The following PC variants were observed in gnomAD, a reference collection of about 807,000 sequenced individuals.
PC encodes pyruvate carboxylase, mitochondrial.
Under a neutral mutation model 107.8 loss-of-function variants are expected in PC, and 46 were observed. The observed-to-expected ratio is 0.43, with a 90% confidence interval of 0.34 to 0.55. The LOEUF is 0.55. PC is among the 20% of genes least tolerant of loss of function. The probability of loss-of-function intolerance (pLI) is 0.04; values close to 1 mark genes in which losing one functional copy is unlikely to be tolerated. For missense variants in PC, 1,241 were observed against 1,643.1 expected (o/e 0.76, Z 4.23); for synonymous variants, 662 against 684.7 (o/e 0.97, Z 0.52).
intron 3 of PC, among the ~76,000 whole-genome samples, chr11:66,879,142 C>T (rs1324404812): frequency 6.6e-6 from 1 of 152,218 alleles, no homozygotes; most frequent in Non-Finnish European, 1.5e-5. Context: ...GGCCCACACA[C>T]TTGCGCCCTC....
At position 66,866,315 on chromosome 11, in the gene PC, C is replaced by T. The variant is rs1295610252; in HGVS notation, c.1057G>A (p.Glu353Lys). ...CCCAGGTCGGGTAGGCTCCTGCCCT[C>T]AGCCACGTGGATCTGAGCATGGACC... ...DLVHAQIHVA[E>K]GRSLPDLGLR... The change falls in exon 11 of 23, where the codon GAG (glutamate) becomes AAG (lysine). Residue 353 changes from glutamate to lysine, a missense_variant. Glu to Lys is a moderately conservative substitution (Grantham distance 56). Transcript: ENST00000393960. This position sits in a 1 kb window ranked among gnomAD's most constrained non-coding sequence, Gnocchi z 5.4. The T allele has an allele frequency of 6.2e-7, 1 of 1,612,948 alleles. No individual in the cohort carries two copies. The highest frequency in any genetic ancestry group is 1.1e-5 in the South Asian group (1 of 91,058).
intron 3 of PC, among the ~76,000 whole-genome samples, chr11:66,899,753 G>A (rs7932419): frequency 1 from 152,038 of 152,384 alleles, 75,848 homozygotes; most frequent in Non-Finnish European, 1. Flanking sequence ...GATGTACAAA[G>A]GTTGATTCTG....
rs1378424240 is a variant in PC at position 66,852,242 on chromosome 11, A to AT, written c.1825+196dup. On this transcript the variant is annotated intron_variant, in intron 15 of 22. Coordinates refer to ENST00000393960, the MANE Select transcript of PC (RefSeq NM_001040716.2). This position sits in a 1 kb window ranked among gnomAD's most constrained non-coding sequence, Gnocchi z 4.7. The stretch of plus-strand genomic sequence containing the variant: ...TCCTCCTGACCCTGGACCTCCCAGG[A>AT]TGCACCTGGTCTCAGCTCTGCAACC... Among the ~76,000 whole-genome samples, 2 of 152,202 alleles carry AT rather than the reference A, an allele frequency of 1.3e-5. No homozygotes were observed. Among genetic ancestry groups the AT allele is most frequent in the Non-Finnish European group, 2.9e-5 (2 of 68,036 alleles).
At chr11:66,956,073 C>T (rs1485178075) in intron 1 of PC, among the ~76,000 whole-genome samples, 1 of 152,028 alleles carries the variant, frequency 6.6e-6, no homozygotes, top group Non-Finnish European at 1.5e-5. Flanking sequence ...CGCCCAGCCC[C>T]GTCTACCTTT....
chr11:66,922,553 TAAAAAAAAAA>T (rs1198835228), intron 3 of PC, among the ~76,000 whole-genome samples: 4 of 84,372 alleles, frequency 4.7e-5, no homozygotes, highest in Non-Finnish European at 9.3e-5. Flanking sequence ...GACTTTGTCT[TAAAAAAAAAA>T]AAAAAAAAAA....
chr11:66,854,490 T>G lies in PC; in HGVS notation c.1369-1107A>C, dbSNP rs114226083. On this transcript the variant is annotated intron_variant, in intron 12 of 22. Transcript: ENST00000393960. ...GCACTTTGTGCACAGGGGCCCTCGG[T>G]TCCACTCATTAAATGCCTGGGTGAC... Among the ~76,000 whole-genome samples, 449 of 152,310 alleles carry G rather than the reference T, an allele frequency of 2.9e-3. 1 individual carries two copies. The highest frequency in any genetic ancestry group is 0.01 in the African/African-American group (417 of 41,560).
intron 3 of PC, among the ~76,000 whole-genome samples, chr11:66,934,171 G>C (rs1294622743): frequency 2.0e-5 from 3 of 152,090 alleles, no homozygotes; most frequent in Non-Finnish European, 4.4e-5. Flanking sequence ...GCGAGGACCA[G>C]CTCCTCCACC....
intron 12 of PC, among the ~76,000 whole-genome samples, chr11:66,855,349 GTGTCGC>G (rs1045732081): frequency 6.6e-6 from 1 of 152,166 alleles, no homozygotes; most frequent in African/African-American, 2.4e-5. Flanking sequence ...GAGACAAAGT[GTGTCGC>G]CCAGGCTGGA....
chr11:66,885,129 T>C (rs952574394), intron 3 of PC, among the ~76,000 whole-genome samples: 45 of 152,140 alleles, frequency 3.0e-4, no homozygotes, highest in Non-Finnish European at 4.3e-4. Flanking sequence ...GTGTTAGAGG[T>C]TGAATTGTGT....
intron 3 of PC, among the ~76,000 whole-genome samples, chr11:66,929,178 G>A (rs1272293407): frequency 1.3e-5 from 2 of 152,116 alleles, no homozygotes; most frequent in Non-Finnish European, 2.9e-5. Context: ...TGTCATGTGA[G>A]TTTGAAATAT....
chr11:66,930,483 T>TTC (rs1216477919), intron 3 of PC, among the ~76,000 whole-genome samples: 1 of 152,218 alleles, frequency 6.6e-6, no homozygotes, highest in Non-Finnish European at 1.5e-5. Flanking sequence ...GGCTCATGCC[T>TTC]GTAATCCCAG....
rs1272755186 is a variant in PC at position 66,858,532 on chromosome 11, T to C, written c.1369-5149A>G. 6.5e-7 allele frequency: 1 copy of C among 1,533,708 alleles called. No individual in the cohort carries two copies. The highest frequency in any genetic ancestry group is 1.2e-5 in the South Asian group (1 of 83,924). On this transcript the variant is annotated intron_variant, in intron 12 of 22. Coordinates refer to ENST00000393960, the MANE Select transcript of PC (RefSeq NM_001040716.2). The surrounding 1 kb of genome is among the most constrained non-coding windows in gnomAD (Gnocchi z 5.9). ...GAAACGTGCGCCTCCCCGCCCGGCCTGGCCGGCCGCTACTTCTGGGCAGTG... is the reference window on the plus strand; with the variant it reads ...GAAACGTGCGCCTCCCCGCCCGGCCCGGCCGGCCGCTACTTCTGGGCAGTG...
chr11:66,938,587 GA>G (rs1278045214), intron 3 of PC, among the ~76,000 whole-genome samples: 1 of 151,614 alleles, frequency 6.6e-6, no homozygotes. Flanking sequence ...ATCCTATAAA[GA>G]AAAAAATACT....
chr11:66,853,718 C>T (rs1591128540), intron 12 of PC, among the ~76,000 whole-genome samples: 1 of 152,246 alleles, frequency 6.6e-6, no homozygotes, highest in Non-Finnish European at 1.5e-5. Flanking sequence ...CCCTCGTCCA[C>T]GCTTCTCGAA....
rs114906855 is a variant in PC at position 66,883,129 on chromosome 11, A to C, written c.1-10970T>G. On this transcript the variant is annotated intron_variant, in intron 3 of 22. Transcript: ENST00000393960. Reference sequence around the variant, plus strand: ...GTGAACAGTGCCAGCAGGGCTCCTCATCGCCCTGGCAACCCTCTATTCAAA... The same window carrying C: ...GTGAACAGTGCCAGCAGGGCTCCTCCTCGCCCTGGCAACCCTCTATTCAAA... Among the ~76,000 whole-genome samples, 1,311 of 152,282 alleles carry C rather than the reference A, an allele frequency of 8.6e-3. 20 individuals are homozygous for C. The highest frequency in any genetic ancestry group is 0.03 in the African/African-American group (1,262 of 41,540).
At chr11:66,867,114 A>G (rs1172005792) in intron 10 of PC, among the ~76,000 whole-genome samples, 1 of 152,234 alleles carries the variant, frequency 6.6e-6, no homozygotes, top group Admixed American at 6.5e-5. Flanking sequence ...GGCTGGGCAC[A>G]GCAGGTCATG....
At chr11:66,874,902 C>G (rs1946914134) in intron 3 of PC, among the ~76,000 whole-genome samples, 1 of 152,192 alleles carries the variant, frequency 6.6e-6, no homozygotes, top group South Asian at 2.1e-4. Context: ...GACACAGAAG[C>G]TGGGACCTGG....
chr11:66,858,951 C>G lies in PC; in HGVS notation c.1368+4823G>C, dbSNP rs2135870049. On this transcript the variant is annotated intron_variant, in intron 12 of 22. Transcript: ENST00000393960. The surrounding 1 kb of genome is among the most constrained non-coding windows in gnomAD (Gnocchi z 5.9). ...CACTGCTGCCGAGGGTGAGGGGACG[C>G]TGGAGTCTGAGCCAGCCGTGCAGGT... 6.3e-7 allele frequency: 1 copy of G among 1,578,004 alleles called. No individual in the cohort carries two copies. The highest frequency in any genetic ancestry group is 2.3e-5 in the East Asian group (1 of 44,092).
chr11:66,890,337 C>G (rs79594386), intron 3 of PC, among the ~76,000 whole-genome samples: 5,681 of 151,648 alleles, frequency 0.037, 331 homozygotes, highest in African/African-American at 0.13. Context: ...TTTAATGAAC[C>G]TATGGTATTG....
Sources: allele counts gnomAD v4.1 joint callset (sites outside exome capture counted in the v4.1 genomes callset), GRCh38; gene constraint gnomAD v4.1.1; non-coding constraint Gnocchi (gnomAD v3.1); transcripts MANE v1.5; gene names NCBI Gene and HGNC (gene_info 2026-07-23, HGNC 2026-07-21).